CNTNAP5: variants seen among roughly 807,000 people sequenced by gnomAD.
The protein encoded by CNTNAP5 is contactin-associated protein-like 5.
CNTNAP5 carries 72 observed loss-of-function variants against 150.2 expected under a neutral mutation model. The ratio of observed to expected loss-of-function variants is 0.48; its 90% CI spans 0.40 to 0.58. CNTNAP5 has a LOEUF of 0.58. Among genes scored for constraint, CNTNAP5 ranks in the 20% least tolerant of loss-of-function variants. CNTNAP5 has a pLI of 0.00. For synonymous variants in CNTNAP5, 672 were observed against 619.8 expected, an observed-to-expected ratio of 1.08 and a Z score of -1.25; for missense variants, 1,636 against 1,626.2, an observed-to-expected ratio of 1.01 and a Z score of -0.10.
At chr2:124,332,257 G>A (rs1415609266) in intron 3 of CNTNAP5, among the ~76,000 whole-genome samples, 1 of 151,194 alleles carries the variant, frequency 6.6e-6, no homozygotes. Context: ...ACATTTTCAT[G>A]TCTATTTAAA....
chr2:124,867,247 T>G (rs527514528), intron 20 of CNTNAP5, among the ~76,000 whole-genome samples: 1 of 152,336 alleles, frequency 6.6e-6, no homozygotes, highest in East Asian at 1.9e-4. Context: ...AGCATATCTC[T>G]GGGTAAAGAG....
chr2:124,691,844 T>C (rs1558737345), intron 13 of CNTNAP5, among the ~76,000 whole-genome samples: 1 of 152,190 alleles, frequency 6.6e-6, no homozygotes, highest in East Asian at 1.9e-4. Flanking sequence ...AGCAATTCCT[T>C]CCATCCCTGT....
chr2:124,753,584 C>T (rs921100057), intron 14 of CNTNAP5, among the ~76,000 whole-genome samples: 3 of 152,114 alleles, frequency 2.0e-5, no homozygotes, highest in South Asian at 2.1e-4. Flanking sequence ...TTTCTATGCC[C>T]GGATTATTTC....
intron 8 of CNTNAP5, among the ~76,000 whole-genome samples, chr2:124,512,716 AAAAC>A (rs1263766491): frequency 6.6e-6 from 1 of 152,182 alleles, no homozygotes; most frequent in Non-Finnish European, 1.5e-5. Flanking sequence ...AAGGTATTCC[AAAAC>A]AAACAAACAA....
chr2:124,470,196 G>A (rs141813801), intron 6 of CNTNAP5, among the ~76,000 whole-genome samples: 1,666 of 152,236 alleles, frequency 0.011, 10 homozygotes, highest in Non-Finnish European at 0.016. Flanking sequence ...CATCAATAGC[G>A]TAAAAGTGTT....
chr2:124,233,999 A>T (rs10184193), intron 2 of CNTNAP5, among the ~76,000 whole-genome samples: 1,883 of 152,210 alleles, frequency 0.012, 49 homozygotes, highest in African/African-American at 0.043. Flanking sequence ...TGCATAAAGT[A>T]TATACTGCTC....
At chr2:124,531,525 G>A (rs755216770) in intron 10 of CNTNAP5, among the ~76,000 whole-genome samples, 2 of 152,184 alleles carry the variant, frequency 1.3e-5, no homozygotes, top group Non-Finnish European at 2.9e-5. Flanking sequence ...CTGAGAGAGT[G>A]AGACTGACTT....
intron 3 of CNTNAP5, among the ~76,000 whole-genome samples, chr2:124,388,256 G>T (rs959224902): frequency 1.3e-5 from 2 of 152,180 alleles, no homozygotes; most frequent in African/African-American, 2.4e-5. Context: ...TCAGATGGTG[G>T]CTAGGCCAGC....
At chr2:124,903,324 G>A (rs1446607317) in intron 22 of CNTNAP5, among the ~76,000 whole-genome samples, 1 of 151,992 alleles carries the variant, frequency 6.6e-6, no homozygotes, top group African/African-American at 2.4e-5. Flanking sequence ...GCATAGTTGT[G>A]TACTTTGCTT....
intron 6 of CNTNAP5, among the ~76,000 whole-genome samples, chr2:124,449,199 T>C (rs1692904030): frequency 6.6e-6 from 1 of 152,224 alleles, no homozygotes; most frequent in Non-Finnish European, 1.5e-5. Context: ...GAATACAAGA[T>C]AACAGGTGGA....
At chr2:124,731,724 G>A (rs1039920588) in intron 13 of CNTNAP5, among the ~76,000 whole-genome samples, 1 of 151,876 alleles carries the variant, frequency 6.6e-6, no homozygotes, top group Non-Finnish European at 1.5e-5. Context: ...ATGTGTGTAT[G>A]GGTGTGCATG....
intron 4 of CNTNAP5, among the ~76,000 whole-genome samples, chr2:124,426,632 A>G (rs1692244690): frequency 6.6e-6 from 1 of 151,910 alleles, no homozygotes; most frequent in Non-Finnish European, 1.5e-5. Flanking sequence ...GAGGAAGCTG[A>G]CTCTTTGTCC....
intron 1 of CNTNAP5, among the ~76,000 whole-genome samples, chr2:124,207,478 G>A (rs934758399): frequency 1.3e-5 from 2 of 152,160 alleles, no homozygotes; most frequent in African/African-American, 4.8e-5. Flanking sequence ...AGGAAAAATA[G>A]CAATGAATGC....
At position 124,581,352 on chromosome 2, in the gene CNTNAP5, T is replaced by C. The variant is rs144216835; in HGVS notation, c.1756+18029T>C. Among the ~76,000 whole-genome samples the C allele has an allele frequency of 3.2e-4, 49 of 152,338 alleles. 1 individual carries two copies. The highest frequency in any genetic ancestry group is 1.1e-3 in the African/African-American group (44 of 41,584). ...GAAATAATGCCTTTGTAATAGTCTC[T>C]AGTCTCCTCATTTTTCTTTCTTTAA... On this transcript the variant is annotated intron_variant, in intron 11 of 23. Transcript: ENST00000682447.
At chr2:124,662,459 C>T (rs1474195275) in intron 13 of CNTNAP5, among the ~76,000 whole-genome samples, 4 of 152,148 alleles carry the variant, frequency 2.6e-5, no homozygotes, top group African/African-American at 9.7e-5. Context: ...GACCCAAATG[C>T]CATTCTGCAG....
intron 10 of CNTNAP5, among the ~76,000 whole-genome samples, chr2:124,561,160 G>A (rs1558954614): frequency 6.6e-6 from 1 of 152,156 alleles, no homozygotes; most frequent in Non-Finnish European, 1.5e-5. Context: ...GTGTGGAAAG[G>A]TCATGGAAAA....
intron 1 of CNTNAP5, among the ~76,000 whole-genome samples, chr2:124,208,621 A>G (rs1165884776): frequency 1.3e-5 from 2 of 152,280 alleles, no homozygotes; most frequent in African/African-American, 4.8e-5. Flanking sequence ...GATCAAAGAG[A>G]CTAGATGGTG....
chr2:124,033,027 G>T (rs1173181350), intron 1 of CNTNAP5, among the ~76,000 whole-genome samples: 1 of 152,164 alleles, frequency 6.6e-6, no homozygotes, highest in African/African-American at 2.4e-5. Context: ...GCTATCAGGG[G>T]CTGCTCAGTG....
chr2:124,441,447 C>T (rs1692671927), intron 5 of CNTNAP5, among the ~76,000 whole-genome samples: 1 of 151,642 alleles, frequency 6.6e-6, no homozygotes, highest in Non-Finnish European at 1.5e-5. Flanking sequence ...TTATTTGTGC[C>T]TTTTCCAGAA....
Sources: gnomAD v4.1 joint callset for allele counts (sites outside exome capture counted in the v4.1 genomes callset) on GRCh38, gnomAD v4.1.1 for gene constraint, MANE v1.5 for transcripts, NCBI Gene and HGNC (gene_info 2026-07-23, HGNC 2026-07-21) for gene names.